Variants in CEP295 observed in about 807,000 individuals in gnomAD.
CEP295 encodes centrosomal protein 295, also known as centrosomal protein of 295 kDa.
CEP295 carries 190 observed loss-of-function variants against 291.6 expected under a neutral mutation model. The observed-to-expected ratio is 0.65, with a 90% CI of 0.58 to 0.73. The LOEUF is 0.73. Ranked by LOEUF, CEP295 falls within the 30% of genes least tolerant of loss-of-function variation. The probability of loss-of-function intolerance (pLI) is 0.00; values close to 1 mark genes in which losing one functional copy is unlikely to be tolerated. For missense variants in CEP295, 2,863 were observed against 2,949.4 expected, an observed-to-expected ratio of 0.97 and a Z score of 0.68; for synonymous variants, 993 against 1,038.8, an observed-to-expected ratio of 0.96 and a Z score of 0.85.
chr11:93,725,631 T>C lies in CEP295; in HGVS notation c.6319-20T>C. 1 of 1,527,042 alleles carries C rather than the reference T, an allele frequency of 6.5e-7. No individual in the cohort carries two copies. The highest frequency in any genetic ancestry group is 8.8e-7 in the Non-Finnish European group (1 of 1,137,634). 94.6% of individuals were successfully genotyped at this position (1,527,042 alleles called of 1,614,324 possible). Reference sequence around the variant, plus strand: ...AATACCTAATCAGTATTTCAGCCTTTCCCTTTTGTTTCCTGCCAGAGATCA... The same window carrying C: ...AATACCTAATCAGTATTTCAGCCTTCCCCTTTTGTTTCCTGCCAGAGATCA... On this transcript the variant is annotated intron_variant, in intron 22 of 29. Transcript: ENST00000325212.
chr11:93,672,130 A>G (rs1248984664), intron 5 of CEP295, among the ~76,000 whole-genome samples: 1 of 152,236 alleles, frequency 6.6e-6, no homozygotes, highest in Non-Finnish European at 1.5e-5. Flanking sequence ...TTAATAGGTA[A>G]GTGCGATAAC....
rs575203384 is a variant in CEP295 at position 93,698,931 on chromosome 11, T to C, written c.4019T>C (p.Ile1340Thr). Residue 1340 changes from isoleucine to threonine, a missense_variant, in exon 15 of 30, where the codon ATA (isoleucine) becomes ACA (threonine). Physicochemically the swap from Ile to Thr is moderately conservative, Grantham distance 89 (BLOSUM62 -1). Transcript: ENST00000325212. ...IPQLQDRLLR[I>T]SQLIQPQQDN... ...CAATTGCAGGATAGGCTTTTGAGGA[T>C]ATCGCAACTTATCCAGCCTCAACAA... 6.4e-7 allele frequency: 1 copy of C among 1,551,562 alleles called. No individual in the cohort carries two copies. Among genetic ancestry groups the C allele is most frequent in the East Asian group, 2.4e-5 (1 of 40,916 alleles).
chr11:93,719,636 A>G (rs931558740), intron 18 of CEP295: 3 of 152,014 alleles, frequency 2.0e-5, no homozygotes, highest in Non-Finnish European at 4.4e-5. Context: ...ATCTCAATTG[A>G]TTATTTACAG....
intron 5 of CEP295, among the ~76,000 whole-genome samples, chr11:93,674,715 C>A (rs1950610357): frequency 6.6e-6 from 1 of 152,184 alleles, no homozygotes; most frequent in Non-Finnish European, 1.5e-5. Flanking sequence ...CAGAAGACAT[C>A]CAGCAGAAGT....
chr11:93,661,941 C>T (rs371958856), intron 1 of CEP295, among the ~76,000 whole-genome samples, 167 bp downstream of exon 1: 1 of 152,246 alleles, frequency 6.6e-6, no homozygotes, highest in Non-Finnish European at 1.5e-5. Flanking sequence ...GGGCCCTGCC[C>T]GCGGTCGGGC....
Position 93,723,268 on chromosome 11 carries a change from C to G in CEP295, c.6175C>G (p.Pro2059Ala). Residue 2059 changes from proline to alanine, a missense_variant, in exon 21 of 30, where the codon CCT becomes GCT. Transcript: ENST00000325212. ...DKYINEANLI[P>A]EKTDLQELEH... ...GTACATTAATGAAGCAAATTTGATA[C>G]CTGAAAAAACAGATTTGCAAGGTAA... The G allele has an allele frequency of 6.6e-7, 1 of 1,513,926 alleles. No individual in the cohort carries two copies. The highest frequency in any genetic ancestry group is 8.9e-7 in the Non-Finnish European group (1 of 1,125,456). The allele number at this position is 1,513,926 out of a possible 1,614,324, so 93.8% of individuals were successfully genotyped here.
rs1951327466 is a variant in CEP295, at chr11:93,687,956, A to G, written c.1336+91A>G. The G allele has an allele frequency of 3.6e-6, 3 of 823,316 alleles. No individual in the cohort carries two copies. The Admixed American group carries it at 9.8e-5, about 27-fold the overall frequency. 51.0% of individuals were successfully genotyped at this position (823,316 alleles called of 1,614,324 possible). On this transcript the variant is annotated intron_variant, in intron 10 of 29. Coordinates refer to ENST00000325212, the MANE Select transcript of CEP295 (RefSeq NM_033395.2). The stretch of plus-strand genomic sequence containing the variant: ...CTGAAAAATCAAAGAATAGAGGTTA[A>G]AAGGAACAAAACATAATCCTGCTAA...
Position 93,697,021 on chromosome 11 carries a change from T to C in CEP295, c.2109T>C (p.Ala703=), listed in dbSNP as rs1951876896. 2 of 1,551,602 alleles carry C rather than the reference T, an allele frequency of 1.3e-6. No homozygotes were observed. The change falls in exon 15 of 30, where the codon GCT becomes GCC. Residue 703 remains alanine (A), a synonymous_variant. Coordinates refer to ENST00000325212, the MANE Select transcript of CEP295 (RefSeq NM_033395.2). ...LRASDILTNQ[A]LESQEHLRQF... ...CTTCAGATATTTTAACCAATCAAGC[T>C]TTAGAATCACAAGAACATCTAAGGC...
chr11:93,716,957 A>G (rs1355536523), intron 18 of CEP295, among the ~76,000 whole-genome samples: 1 of 152,254 alleles, frequency 6.6e-6, no homozygotes, highest in African/African-American at 2.4e-5. Flanking sequence ...ACAGGAATCT[A>G]TAAAATCTAT....
intron 12 of CEP295, among the ~76,000 whole-genome samples, chr11:93,693,527 G>A (rs988613778): frequency 2.6e-5 from 4 of 152,184 alleles, no homozygotes; most frequent in East Asian, 1.9e-4. Context: ...AGGCTTAGGC[G>A]GGCGGATCAC....
At position 93,673,689 on chromosome 11, in the gene CEP295, C is replaced by T. The variant is rs537702930; in HGVS notation, c.529-1882C>T. Among the ~76,000 whole-genome samples, 10 of 152,014 alleles carry T rather than the reference C, an allele frequency of 6.6e-5. No homozygotes were observed. The East Asian group carries it at 1.8e-3, about 27-fold the overall frequency. ...TTGATTTTTAGTAGAGAAGGGGTTTCTCCATGTTGGTCAGGCTGGTCTCAA... is the reference window on the plus strand; with the variant it reads ...TTGATTTTTAGTAGAGAAGGGGTTTTTCCATGTTGGTCAGGCTGGTCTCAA... On this transcript the variant is annotated intron_variant, in intron 5 of 29. Transcript: ENST00000325212.
At position 93,717,004 on chromosome 11, in the gene CEP295, C is replaced by T. The variant is rs182560090; in HGVS notation, c.5750-4308C>T. On this transcript the variant is annotated intron_variant, in intron 18 of 29. Transcript: ENST00000325212. ...ATAAAACAAAGGAAAATTTGTTTTTCTTCTCCCTATGTTGAAGGAGTGCTG... is the reference window on the plus strand; with the variant it reads ...ATAAAACAAAGGAAAATTTGTTTTTTTTCTCCCTATGTTGAAGGAGTGCTG... 4.1e-3 allele frequency among the ~76,000 whole-genome samples: 630 copies of T among 152,294 alleles called. 4 individuals are homozygous for T. The highest frequency in any genetic ancestry group is 0.015 in the African/African-American group (608 of 41,558).
At chr11:93,729,593 A>G (rs993639815) in intron 26 of CEP295, 21 bp from the exon 27 acceptor site, 9 of 1,549,920 alleles carry the variant, frequency 5.8e-6, no homozygotes, top group Non-Finnish European at 7.9e-6. Context: ...TTTCTGTCAT[A>G]AATTTCTTTT....
intron 15 of CEP295, among the ~76,000 whole-genome samples, chr11:93,701,544 A>C (rs1952156644): frequency 6.6e-6 from 1 of 152,180 alleles, no homozygotes; most frequent in Non-Finnish European, 1.5e-5. Context: ...AAATACTCAA[A>C]TATAATCTCT....
At chr11:93,663,106 G>A (rs1447827601) in intron 1 of CEP295, among the ~76,000 whole-genome samples, 1 of 152,196 alleles carries the variant, frequency 6.6e-6, no homozygotes, top group Non-Finnish European at 1.5e-5. Flanking sequence ...ACTTTGACAT[G>A]AGAATGTAAC....
rs1590996637 is a variant in CEP295, at chr11:93,679,509, A to G, written c.722A>G (p.His241Arg). The G allele has an allele frequency of 1.3e-6, 2 of 1,551,502 alleles. No homozygotes were observed. The highest frequency in any genetic ancestry group is 4.9e-5 in the East Asian group (2 of 40,898). ...QERMERFEKA[H>R]VRGFQAMKKI... ...AGAATGGAACGGTTTGAAAAGGCAC[A>G]TGTACGGGGATTCCAAGCAATGAAG... Residue 241 changes from histidine (H) to arginine (R), a missense_variant, in exon 7 of 30, where the codon CAT (histidine) becomes CGT (arginine). This residue lies in a region of CEP295 where 554 missense variants were observed against 576.0 expected (regional missense o/e 0.96). Transcript: ENST00000325212.
chr11:93,718,217 G>A (rs1319739967), intron 18 of CEP295, among the ~76,000 whole-genome samples: 1 of 152,130 alleles, frequency 6.6e-6, no homozygotes, highest in Non-Finnish European at 1.5e-5. Context: ...GGTCCAGATT[G>A]TTTCTATTTT....
At chr11:93,707,293 G>A (rs1952567224) in intron 18 of CEP295, among the ~76,000 whole-genome samples, 1 of 151,898 alleles carries the variant, frequency 6.6e-6, no homozygotes, top group Non-Finnish European at 1.5e-5. Context: ...TAATTAGAAG[G>A]AAAAATATTT....
intron 17 of CEP295, among the ~76,000 whole-genome samples, chr11:93,705,193 C>T (rs1394585600): frequency 2.2e-4 from 34 of 151,986 alleles, no homozygotes. Flanking sequence ...GTTGTATGGG[C>T]CGTGCTATGC....
Sources: allele counts gnomAD v4.1 joint callset (sites outside exome capture counted in the v4.1 genomes callset), GRCh38; gene constraint gnomAD v4.1.1; regional missense constraint gnomAD v4.1.1; transcripts MANE v1.5; gene names NCBI Gene and HGNC (gene_info 2026-07-23, HGNC 2026-07-21).